AGBL4: variants seen among roughly 807,000 people sequenced by gnomAD.
AGBL4 encodes the protein cytosolic carboxypeptidase 6.
AGBL4 carries 58 observed loss-of-function variants against 66.4 expected under a neutral mutation model. That is an observed-to-expected ratio of 0.87 (90% CI 0.71 to 1.09). AGBL4 has a LOEUF of 1.09. AGBL4 is among the 50% of genes least tolerant of loss of function. The pLI is 0.00. For missense variants in AGBL4, 579 were observed against 631.0 expected, an observed-to-expected ratio of 0.92 and a Z score of 0.88; for synonymous variants, 234 against 222.9, an observed-to-expected ratio of 1.05 and a Z score of -0.44.
rs535292243 is a variant in AGBL4, at chr1:48,801,261, A to G, written c.634+65930T>C. On this transcript the variant is annotated intron_variant, in intron 6 of 13. Transcript: ENST00000371839. ...TACAAGCCTCCTCACTGAGAAAGCA[A>G]GTGTGGCTTTCTGGCCTTGCCCCTC... Among the ~76,000 whole-genome samples, 8 of 152,316 alleles carry G rather than the reference A, an allele frequency of 5.3e-5. No homozygotes were observed. The East Asian group carries it at 1.4e-3, about 26-fold the overall frequency.
intron 3 of AGBL4, among the ~76,000 whole-genome samples, chr1:49,582,052 C>G (rs1644552336): frequency 6.6e-6 from 1 of 152,140 alleles, no homozygotes; most frequent in Non-Finnish European, 1.5e-5. Context: ...GATGAGGTAG[C>G]AGCAGGGTGT....
intron 5 of AGBL4, among the ~76,000 whole-genome samples, chr1:48,939,023 T>C (rs569418493): frequency 6.6e-5 from 10 of 152,202 alleles, no homozygotes; most frequent in Admixed American, 5.9e-4. Flanking sequence ...GAAGTTGACT[T>C]ACCCTGACTG....
Position 49,818,210 on chromosome 1 carries a change from C to G in AGBL4, c.157+33186G>C, listed in dbSNP as rs151205967. Among the ~76,000 whole-genome samples, 583 of 152,100 alleles carry G rather than the reference C, an allele frequency of 3.8e-3. 2 individuals carry two copies. The highest frequency in any genetic ancestry group is 5.2e-3 in the Non-Finnish European group (353 of 67,992). On this transcript the variant is annotated intron_variant, in intron 2 of 13. Coordinates refer to ENST00000371839, the MANE Select transcript of AGBL4 (RefSeq NM_032785.4). Reference sequence around the variant, plus strand: ...TCCACATAAGACAATGTGTAAATGTCAATGCAAATATTCCATTAAGGAGCC... The same window carrying G: ...TCCACATAAGACAATGTGTAAATGTGAATGCAAATATTCCATTAAGGAGCC...
chr1:49,371,244 G>GATAC (rs745992132), intron 3 of AGBL4, among the ~76,000 whole-genome samples: 1,790 of 141,848 alleles, frequency 0.013, 27 homozygotes, highest in African/African-American at 0.039. Context: ...TAGATAGATA[G>GATAC]ATAGATACAT....
intron 4 of AGBL4, among the ~76,000 whole-genome samples, chr1:49,134,922 C>T (rs1295849527): frequency 6.6e-6 from 1 of 152,094 alleles, no homozygotes; most frequent in African/African-American, 2.4e-5. Flanking sequence ...GCAGGTCCCT[C>T]CGTTTGGGGT....
At chr1:48,982,762 C>A (rs1271434264) in intron 5 of AGBL4, among the ~76,000 whole-genome samples, 1 of 152,058 alleles carries the variant, frequency 6.6e-6, no homozygotes, top group Non-Finnish European at 1.5e-5. Context: ...TTCTAGATCC[C>A]TGAGGAATTG....
At chr1:49,028,517 C>T (rs1470532894) in intron 5 of AGBL4, among the ~76,000 whole-genome samples, 1 of 152,138 alleles carries the variant, frequency 6.6e-6, no homozygotes, top group Non-Finnish European at 1.5e-5. Context: ...CAATCAGGCA[C>T]ATCATAGTCA....
In AGBL4 at chr1:49,440,348, G is replaced by A. The variant is rs374523009; in HGVS notation, c.283-194484C>T. Among the ~76,000 whole-genome samples the A allele has an allele frequency of 8.5e-5, 13 of 152,252 alleles. No individual in the cohort carries two copies. In the East Asian group the frequency reaches 1.2e-3, roughly 14 times the overall value. On this transcript the variant is annotated intron_variant, in intron 3 of 13. Transcript: ENST00000371839. ...CTCCCAAAGTGCTGGGATTACAGGC[G>A]TGAGCCACTGCGCCCAGCCAGGACT...
chr1:49,363,553 T>C (rs999118505), intron 3 of AGBL4, among the ~76,000 whole-genome samples: 13 of 152,212 alleles, frequency 8.5e-5, no homozygotes, highest in African/African-American at 3.1e-4. Flanking sequence ...TGTTTGAAAC[T>C]AAATTACTAT....
chr1:49,810,021 A>G (rs2147967569), intron 2 of AGBL4, among the ~76,000 whole-genome samples: 1 of 152,340 alleles, frequency 6.6e-6, no homozygotes, highest in Non-Finnish European at 1.5e-5. Flanking sequence ...ATCTGCTTCT[A>G]AAACAATCAT....
At chr1:49,667,761 C>A (rs1387946809) in intron 3 of AGBL4, among the ~76,000 whole-genome samples, 2 of 152,044 alleles carry the variant, frequency 1.3e-5, no homozygotes, top group East Asian at 1.9e-4. Flanking sequence ...TGTAAAAGCT[C>A]TTTTAAATCT....
At chr1:49,670,843 T>C (rs950651229) in intron 3 of AGBL4, among the ~76,000 whole-genome samples, 2 of 152,200 alleles carry the variant, frequency 1.3e-5, no homozygotes, top group Non-Finnish European at 2.9e-5. Context: ...GTGAAACTTA[T>C]AGCTTCAAAT....
intron 1 of AGBL4, among the ~76,000 whole-genome samples, chr1:49,964,208 T>C (rs1045100691): frequency 6.6e-6 from 1 of 152,122 alleles, no homozygotes; most frequent in Non-Finnish European, 1.5e-5. Context: ...TATAATGTAA[T>C]GGTGAAGAAT....
chr1:49,761,773 C>G (rs540819569), intron 2 of AGBL4, among the ~76,000 whole-genome samples: 1 of 152,264 alleles, frequency 6.6e-6, no homozygotes, highest in Admixed American at 6.5e-5. Context: ...CATCACCTTA[C>G]TATATTGTGA....
intron 1 of AGBL4, among the ~76,000 whole-genome samples, chr1:50,017,754 G>T (rs138818343): frequency 1.3e-5 from 2 of 152,198 alleles, no homozygotes; most frequent in Non-Finnish European, 2.9e-5. Context: ...GGGCAGGAGG[G>T]TGAGGGTTGA....
intron 1 of AGBL4, among the ~76,000 whole-genome samples, chr1:49,950,065 C>CATATATATACACATGTGT (rs1655976201): frequency 7.3e-6 from 1 of 137,208 alleles, no homozygotes; most frequent in Non-Finnish European, 1.6e-5. Flanking sequence ...TATATACACA[C>CATATATATACACATGTGT]ATATATATAC....
intron 5 of AGBL4, among the ~76,000 whole-genome samples, chr1:49,005,938 T>G (rs1571210513): frequency 6.6e-6 from 1 of 151,576 alleles, no homozygotes; most frequent in Non-Finnish European, 1.5e-5. Flanking sequence ...GAGGCAGAGG[T>G]TGCAGTGAGC....
chr1:49,320,917 A>C (rs1360779884), intron 3 of AGBL4, among the ~76,000 whole-genome samples: 1 of 152,128 alleles, frequency 6.6e-6, no homozygotes, highest in African/African-American at 2.4e-5. Flanking sequence ...AGGAGAGAGA[A>C]AGAGTGAAAG....
chr1:49,355,544 G>T (rs991922139), intron 3 of AGBL4, among the ~76,000 whole-genome samples: 1 of 152,100 alleles, frequency 6.6e-6, no homozygotes, highest in African/African-American at 2.4e-5. Flanking sequence ...ATGAAAGTGT[G>T]TATCAAAACA....
Sources: gnomAD v4.1 joint callset for allele counts (sites outside exome capture counted in the v4.1 genomes callset) on GRCh38, gnomAD v4.1.1 for gene constraint, MANE v1.5 for transcripts, NCBI Gene and HGNC (gene_info 2026-07-23, HGNC 2026-07-21) for gene names.